The following PRKN variants were observed in gnomAD, a reference collection of about 807,000 sequenced individuals.
PRKN encodes parkin RBR E3 ubiquitin protein ligase, also known as E3 ubiquitin-protein ligase parkin.
Under a neutral mutation model 59.5 loss-of-function variants are expected in PRKN, and 56 were observed. The ratio of observed to expected loss-of-function variants is 0.94; its 90% confidence interval spans 0.76 to 1.18. The LOEUF is 1.18. Ranked by LOEUF, PRKN falls within the 50% of genes most tolerant of loss-of-function variation. PRKN has a pLI of 0.00. For missense variants in PRKN, 657 were observed against 596.4 expected (o/e 1.10, Z -1.06); for synonymous variants, 250 against 222.1 (o/e 1.13, Z -1.12).
At chr6:162,244,077 G>A (rs1041516988) in intron 3 of PRKN, among the ~76,000 whole-genome samples, 1 of 152,048 alleles carries the variant, frequency 6.6e-6, no homozygotes, top group Non-Finnish European at 1.5e-5. Flanking sequence ...ATTTTGTAAT[G>A]CAACCTAACA....
intron 7 of PRKN, among the ~76,000 whole-genome samples, chr6:161,638,022 G>T (rs1420623768): frequency 6.6e-6 from 1 of 152,018 alleles, no homozygotes; most frequent in Non-Finnish European, 1.5e-5. Context: ...CCCTTATTGG[G>T]CCAGGGTATT....
At chr6:161,435,689 A>G (rs998934569) in intron 9 of PRKN, among the ~76,000 whole-genome samples, 1 of 151,756 alleles carries the variant, frequency 6.6e-6, no homozygotes, top group Non-Finnish European at 1.5e-5. Flanking sequence ...ACTTTTCTGC[A>G]TCACTTCCTT....
At chr6:162,452,447 T>TAATAC (rs1562775820) in intron 1 of PRKN, among the ~76,000 whole-genome samples, 1 of 152,012 alleles carries the variant, frequency 6.6e-6, no homozygotes, top group Non-Finnish European at 1.5e-5. Flanking sequence ...ACATATAATA[T>TAATAC]GTATGCCAAG....
intron 2 of PRKN, among the ~76,000 whole-genome samples, chr6:162,383,187 T>C (rs894626177): frequency 6.6e-6 from 1 of 152,194 alleles, no homozygotes; most frequent in Non-Finnish European, 1.5e-5. Flanking sequence ...CTTAATGACA[T>C]CTAGAATGGT....
At chr6:161,957,783 G>T (rs1184823479) in intron 6 of PRKN, among the ~76,000 whole-genome samples, 1 of 152,016 alleles carries the variant, frequency 6.6e-6, no homozygotes, top group Non-Finnish European at 1.5e-5. Context: ...TGACAGTATC[G>T]CTAGACACCA....
chr6:161,374,776 G>A (rs1367572890), intron 10 of PRKN, among the ~76,000 whole-genome samples: 1 of 106,316 alleles, frequency 9.4e-6, no homozygotes, highest in African/African-American at 3.0e-5. Context: ...GTGACAATAA[G>A]TTTCTATAAA....
intron 6 of PRKN, among the ~76,000 whole-genome samples, chr6:161,932,273 A>C (rs1489160596): frequency 6.6e-6 from 1 of 152,114 alleles, no homozygotes; most frequent in Non-Finnish European, 1.5e-5. Flanking sequence ...TGTTTCCGAA[A>C]CAGTTCAAAT....
At chr6:161,874,992 A>AAAG (rs1562356726) in intron 6 of PRKN, among the ~76,000 whole-genome samples, 2 of 76,968 alleles carry the variant, frequency 2.6e-5, no homozygotes, top group Non-Finnish European at 4.5e-5. Flanking sequence ...TATATACTTT[A>AAAG]TATATAATAT....
intron 2 of PRKN, among the ~76,000 whole-genome samples, chr6:162,305,889 T>C (rs1024113071): frequency 9.2e-5 from 14 of 152,134 alleles, no homozygotes; most frequent in African/African-American, 3.4e-4. Context: ...TAGATACATA[T>C]TTTACATATA....
rs556990779 is a variant in PRKN at position 161,491,386 on chromosome 6, C to T, written c.1083+57468G>A. Among the ~76,000 whole-genome samples the T allele has an allele frequency of 5.9e-5, 9 of 152,286 alleles. 1 individual carries two copies. Among genetic ancestry groups the T allele is most frequent in the Admixed American group, 2.0e-4 (3 of 15,294 alleles). On this transcript the variant is annotated intron_variant, in intron 9 of 11. Coordinates refer to ENST00000366898, the MANE Select transcript of PRKN (RefSeq NM_004562.3). ...GTTTGTTTCAGGATGCTCTACTGCA[C>T]CTGGCTGAACATCGTTTGTTGGGTT...
intron 5 of PRKN, among the ~76,000 whole-genome samples, chr6:162,021,349 T>C (rs1158035368): frequency 1.4e-5 from 2 of 147,274 alleles, no homozygotes; most frequent in Non-Finnish European, 3.0e-5. Flanking sequence ...AATTGGTCAG[T>C]ACAAATTCAA....
rs1354998811 is a variant in PRKN at position 162,141,861 on chromosome 6, T to TC, written c.534+59269_534+59270insG. On this transcript the variant is annotated intron_variant, in intron 4 of 11. Transcript: ENST00000366898. ...AGCCTTTTTCCCTAGAGAAGAAGCA[T>TC]TAAAGGAGAGTCAGTCTAACCAGGA... 1.2e-3 allele frequency among the ~76,000 whole-genome samples: 176 copies of TC among 152,264 alleles called. 1 individual carries two copies. The highest frequency in any genetic ancestry group is 4.0e-3 in the African/African-American group (167 of 41,552).
At chr6:162,693,321 A>T (rs1292068329) in intron 1 of PRKN, among the ~76,000 whole-genome samples, 1 of 152,184 alleles carries the variant, frequency 6.6e-6, no homozygotes, top group Non-Finnish European at 1.5e-5. Flanking sequence ...TCCTCAGTAG[A>T]GATGGGATCG....
At chr6:161,879,283 A>C (rs1201287666) in intron 6 of PRKN, among the ~76,000 whole-genome samples, 1 of 151,384 alleles carries the variant, frequency 6.6e-6, no homozygotes, top group Non-Finnish European at 1.5e-5. Flanking sequence ...ATGATTACCA[A>C]GTGTATGGGA....
chr6:161,742,443 T>C (rs920099785), intron 7 of PRKN, among the ~76,000 whole-genome samples: 1 of 152,212 alleles, frequency 6.6e-6, no homozygotes, highest in Non-Finnish European at 1.5e-5. Context: ...TGGGTATGTC[T>C]TTATTAGCAG....
intron 3 of PRKN, among the ~76,000 whole-genome samples, chr6:162,254,644 T>C (rs1349528897): frequency 6.6e-6 from 1 of 152,102 alleles, no homozygotes; most frequent in Non-Finnish European, 1.5e-5. Context: ...ACCCACTTGC[T>C]GAAAGCTAAC....
At position 161,488,918 on chromosome 6, in the gene PRKN, A is replaced by C. The variant is rs933403667; in HGVS notation, c.1083+59936T>G. On this transcript the variant is annotated intron_variant, in intron 9 of 11. Transcript: ENST00000366898. The surrounding 1 kb of genome is among the most constrained non-coding windows in gnomAD (Gnocchi z 4.5). ...GAGGAATTAAGGCAATGGAAAATAG[A>C]ACACAGACCCTTGGAGATGAAGAGG... Among the ~76,000 whole-genome samples the C allele has an allele frequency of 2.0e-5, 3 of 152,220 alleles. No homozygotes were observed. The highest frequency in any genetic ancestry group is 4.4e-5 in the Non-Finnish European group (3 of 68,036).
At chr6:161,616,803 C>G (rs1782715426) in intron 7 of PRKN, among the ~76,000 whole-genome samples, 1 of 152,174 alleles carries the variant, frequency 6.6e-6, no homozygotes, top group African/African-American at 2.4e-5. Context: ...TTTATCCAGT[C>G]TATCATTGAT....
chr6:162,681,414 T>C (rs1779763816), intron 1 of PRKN, among the ~76,000 whole-genome samples: 1 of 152,160 alleles, frequency 6.6e-6, no homozygotes, highest in Non-Finnish European at 1.5e-5. Flanking sequence ...TGTTTCACAC[T>C]GACTTCCTAA....
Sources: gnomAD v4.1 joint callset for allele counts (sites outside exome capture counted in the v4.1 genomes callset) on GRCh38, gnomAD v4.1.1 for gene constraint, Gnocchi (gnomAD v3.1) non-coding constraint, MANE v1.5 for transcripts, NCBI Gene and HGNC (gene_info 2026-07-23, HGNC 2026-07-21) for gene names.